SLC39A11: variants seen among roughly 807,000 people sequenced by gnomAD.
SLC39A11 encodes the protein zinc transporter ZIP11.
Under a neutral mutation model 36.1 loss-of-function variants are expected in SLC39A11, and 33 were observed. The ratio of observed to expected loss-of-function variants is 0.91; its 90% confidence interval spans 0.69 to 1.22. The LOEUF (loss-of-function observed/expected upper bound fraction) is 1.22, where lower values mean the gene tolerates loss of function less well. Among genes scored for constraint, SLC39A11 ranks in the 50% most tolerant of loss-of-function variants. SLC39A11 has a pLI of 0.00. For missense variants in SLC39A11, 432 were observed against 430.3 expected (o/e 1.00, Z -0.03); for synonymous variants, 166 against 170.3 (o/e 0.97, Z 0.20).
intron 6 of SLC39A11, among the ~76,000 whole-genome samples, chr17:72,782,031 C>T (rs1015010065): frequency 6.6e-6 from 1 of 151,996 alleles, no homozygotes; most frequent in African/African-American, 2.4e-5. Flanking sequence ...GTGAATATGA[C>T]CTTGTTTGGA....
intron 7 of SLC39A11, among the ~76,000 whole-genome samples, chr17:72,660,340 G>A (rs1223798775): frequency 1.3e-5 from 2 of 152,192 alleles, no homozygotes; most frequent in Non-Finnish European, 2.9e-5. Context: ...GTATTACTAC[G>A]TGCTGGGCGT....
At chr17:72,982,542 G>C (rs1340579033) in intron 4 of SLC39A11, among the ~76,000 whole-genome samples, 1 of 152,168 alleles carries the variant, frequency 6.6e-6, no homozygotes, top group Non-Finnish European at 1.5e-5. Context: ...ACTGATAAAA[G>C]TTCTGTTTCG....
At chr17:72,716,814 C>A (rs970460450) in intron 7 of SLC39A11, among the ~76,000 whole-genome samples, 34 of 151,560 alleles carry the variant, frequency 2.2e-4, no homozygotes, top group African/African-American at 7.3e-4. Flanking sequence ...ACAAAAAATA[C>A]AAAAATTAGC....
At chr17:73,051,213 C>A (rs1192671014) in intron 3 of SLC39A11, among the ~76,000 whole-genome samples, 1 of 152,136 alleles carries the variant, frequency 6.6e-6, no homozygotes, top group African/African-American at 2.4e-5. Context: ...GTCACCCGGC[C>A]ACCCTCACCT....
At chr17:72,844,905 T>C (rs2078983340) in intron 6 of SLC39A11, among the ~76,000 whole-genome samples, 1 of 152,204 alleles carries the variant, frequency 6.6e-6, no homozygotes, top group Admixed American at 6.5e-5. Context: ...ATTCCATCCC[T>C]GCAGCTGGGC....
At chr17:72,907,877 G>A (rs930264213) in intron 5 of SLC39A11, among the ~76,000 whole-genome samples, 7 of 152,232 alleles carry the variant, frequency 4.6e-5, no homozygotes, top group Non-Finnish European at 1.0e-4. Context: ...TCACCAAAGC[G>A]GGGCGTAGGG....
At chr17:72,982,073 T>C (rs557157202) in intron 4 of SLC39A11, among the ~76,000 whole-genome samples, 8 of 65,822 alleles carry the variant, frequency 1.2e-4, no homozygotes, top group Non-Finnish European at 1.3e-4. Context: ...TGAGACTCCA[T>C]CTCTAAAATT....
intron 7 of SLC39A11, among the ~76,000 whole-genome samples, chr17:72,656,472 C>A (rs1033227610): frequency 2.0e-5 from 3 of 151,934 alleles, no homozygotes; most frequent in African/African-American, 7.3e-5. Flanking sequence ...GAGGGGCATC[C>A]GTGTGTAGAG....
chr17:72,668,445 T>C (rs897761288), intron 7 of SLC39A11, among the ~76,000 whole-genome samples: 1 of 152,210 alleles, frequency 6.6e-6, no homozygotes, highest in African/African-American at 2.4e-5. Context: ...TCTCTGTAGC[T>C]CTTGCTGGTC....
intron 6 of SLC39A11, among the ~76,000 whole-genome samples, chr17:72,743,606 T>C (rs541218583): frequency 1.3e-5 from 2 of 152,248 alleles, no homozygotes; most frequent in South Asian, 2.1e-4. Flanking sequence ...ATGTATCTGT[T>C]ACCGTGTCTG....
intron 5 of SLC39A11, among the ~76,000 whole-genome samples, chr17:72,900,212 A>AAG: frequency 9.7e-6 from 1 of 103,540 alleles, no homozygotes; most frequent in African/African-American, 4.0e-5. Context: ...AAAGAAAGAA[A>AAG]GAAAGAAAGA....
chr17:73,057,827 C>A (rs1369170605), intron 3 of SLC39A11, among the ~76,000 whole-genome samples: 1 of 152,144 alleles, frequency 6.6e-6, no homozygotes, highest in East Asian at 1.9e-4. Context: ...GTCCCAGCTA[C>A]TTGGGAGGCT....
chr17:72,790,724 G>T (rs1280143621), intron 6 of SLC39A11, among the ~76,000 whole-genome samples: 2 of 151,884 alleles, frequency 1.3e-5, no homozygotes, highest in East Asian at 3.9e-4. Flanking sequence ...GTAGAGATGG[G>T]GTCTCACCAC....
At chr17:72,908,325 G>A (rs1293828213) in intron 5 of SLC39A11, among the ~76,000 whole-genome samples, 1 of 152,162 alleles carries the variant, frequency 6.6e-6, no homozygotes, top group Non-Finnish European at 1.5e-5. Context: ...TGGTGGCAGG[G>A]AGCAATCCTG....
chr17:72,973,231 G>A (rs1348794769), intron 4 of SLC39A11, among the ~76,000 whole-genome samples: 4 of 151,866 alleles, frequency 2.6e-5, no homozygotes, highest in Non-Finnish European at 1.5e-5. Flanking sequence ...CTACTGCAGC[G>A]ACTTACACAG....
intron 6 of SLC39A11, among the ~76,000 whole-genome samples, chr17:72,831,564 AG>A (rs2078287345): frequency 6.6e-6 from 1 of 152,256 alleles, no homozygotes; most frequent in Non-Finnish European, 1.5e-5. Flanking sequence ...AAAATAAGAC[AG>A]GAATTATAGA....
At chr17:72,776,371 G>A (rs1018945626) in intron 6 of SLC39A11, among the ~76,000 whole-genome samples, 2 of 152,078 alleles carry the variant, frequency 1.3e-5, no homozygotes, top group Non-Finnish European at 2.9e-5. Context: ...AAATTGTTTT[G>A]CCAAATATTC....
intron 3 of SLC39A11, chr17:73,067,964 G>A: frequency 6.3e-7 from 1 of 1,594,142 alleles, no homozygotes; most frequent in South Asian, 1.1e-5. Flanking sequence ...TGGGGAAGGA[G>A]CAAAGGACTG....
chr17:72,800,450 A>T (rs2145216131), intron 6 of SLC39A11, among the ~76,000 whole-genome samples: 1 of 151,750 alleles, frequency 6.6e-6, no homozygotes, highest in South Asian at 2.1e-4. Flanking sequence ...AGCTGGGATT[A>T]CAGGCACACA....
Sources: gnomAD v4.1 joint callset for allele counts (sites outside exome capture counted in the v4.1 genomes callset) on GRCh38, gnomAD v4.1.1 for gene constraint, MANE v1.5 for transcripts, NCBI Gene and HGNC (gene_info 2026-07-23, HGNC 2026-07-21) for gene names.